Variants in OR6C2 observed in about 807,000 individuals in gnomAD.
OR6C2 encodes the protein olfactory receptor 6C2.
For missense variants in OR6C2, 435 were observed against 365.8 expected, an observed-to-expected ratio of 1.19 and a Z score of -1.54; for synonymous variants, 146 against 134.2, an observed-to-expected ratio of 1.09 and a Z score of -0.61.
At position 55,452,738 on chromosome 12, in the gene OR6C2, T is replaced by C. The variant is rs375910038; in HGVS notation, c.525T>C (p.Phe175=). The part of the protein sequence containing the change: ...EFCDSNAIDH[F]SCDAGPLLKI... ...GTGACTCCAATGCCATTGATCATTT[T>C]AGCTGTGATGCAGGTCCTCTCCTAA... The change falls in exon 2 of 2, where the codon TTT becomes TTC. Residue 175 remains phenylalanine, a synonymous_variant. Coordinates refer to ENST00000641202, the MANE Select transcript of OR6C2 (RefSeq NM_054105.2). The C allele has an allele frequency of 1.2e-6, 2 of 1,613,772 alleles. No homozygotes were observed. Among genetic ancestry groups the C allele is most frequent in the African/African-American group, 2.7e-5 (2 of 74,916 alleles).
At chr12:55,448,636 T>C (rs1335769742) in intron 1 of OR6C2, among the ~76,000 whole-genome samples, 1 of 32,604 alleles carries the variant, frequency 3.1e-5, no homozygotes, top group Non-Finnish European at 6.4e-5. Flanking sequence ...CTGGCTTCCA[T>C]TCACTGCAAA....
chr12:55,447,098 C>A (rs1032352601), intron 1 of OR6C2, among the ~76,000 whole-genome samples: 1 of 152,150 alleles, frequency 6.6e-6, no homozygotes, highest in African/African-American at 2.4e-5. Flanking sequence ...GCAGAATGTG[C>A]TGCAGCCTGT....
intron 1 of OR6C2, 124 bp downstream of exon 1, chr12:55,444,283 C>A (rs1313705377): frequency 1.3e-5 from 2 of 152,116 alleles, no homozygotes; most frequent in Admixed American, 6.6e-5. Flanking sequence ...CTGTAGCGAA[C>A]ATGTTTTTAA....
Position 55,452,275 on chromosome 12 carries a change from T to G in OR6C2, c.62T>G (p.Leu21Arg). 1.9e-6 allele frequency: 3 copies of G among 1,612,838 alleles called. No homozygotes were observed. Among genetic ancestry groups the G allele is most frequent in the Non-Finnish European group, 2.5e-6 (3 of 1,179,332 alleles). Reference sequence around the variant, plus strand: ...CTGGGACTGACAGGTGACCCACACCTGCAAGTTCTGCTTTTTATCTTTCTA... The same window carrying G: ...CTGGGACTGACAGGTGACCCACACCGGCAAGTTCTGCTTTTTATCTTTCTA... ...ILLGLTGDPH[L>R]QVLLFIFLFL... The change falls in exon 2 of 2, where the codon CTG (leucine) becomes CGG (arginine). Residue 21 changes from leucine (L) to arginine (R), a missense_variant. Physicochemically the swap from Leu to Arg is moderately radical, Grantham distance 102 (BLOSUM62 -2). Coordinates refer to ENST00000641202, the MANE Select transcript of OR6C2 (RefSeq NM_054105.2).
chr12:55,447,341 A>G (rs900171113), intron 1 of OR6C2, among the ~76,000 whole-genome samples: 1 of 149,644 alleles, frequency 6.7e-6, no homozygotes, highest in African/African-American at 2.5e-5. Context: ...TTTTTTACAT[A>G]AACACTTAAC....
Position 55,445,749 on chromosome 12 carries a change from A to G in OR6C2, c.-888+1590A>G, listed in dbSNP as rs186952848. Among the ~76,000 whole-genome samples the G allele has an allele frequency of 1.3e-3, 194 of 152,334 alleles. 1 individual carries two copies. The highest frequency in any genetic ancestry group is 4.4e-3 in the African/African-American group (184 of 41,586). Reference sequence around the variant, plus strand: ...TTTGTGCCTGAAATTATAAATATATAAATTAGGTGATTGCTGATGGCATAA... The same window carrying G: ...TTTGTGCCTGAAATTATAAATATATGAATTAGGTGATTGCTGATGGCATAA... On this transcript the variant is annotated intron_variant, in intron 1 of 1. Coordinates refer to ENST00000641202, the MANE Select transcript of OR6C2 (RefSeq NM_054105.2).
rs11171467 is a variant in OR6C2 at position 55,452,839 on chromosome 12, T to C, written c.626T>C (p.Leu209Pro). 0.15 allele frequency: 239,808 copies of C among 1,613,480 alleles called. 19,196 individuals carry two copies. Among genetic ancestry groups the C allele is most frequent in the Non-Finnish European group, 0.17 (196,066 of 1,179,560 alleles). Residue 209 changes from leucine (L) to proline (P), a missense_variant, in exon 2 of 2, where the codon CTA becomes CCA. By Grantham distance (98) the Leu-to-Pro change is moderately conservative. Coordinates refer to ENST00000641202, the MANE Select transcript of OR6C2 (RefSeq NM_054105.2). ...GCTGTATTTGCACTCATTATCACCC[T>C]AGTTTGTGTGATTCTGTCCTACTTG... is the stretch of plus-strand genomic sequence containing the variant. ...LMAVFALIIT[L>P]VCVILSYLYI...
At position 55,452,739 on chromosome 12, in the gene OR6C2, A is replaced by C. The variant is rs1478537168; in HGVS notation, c.526A>C (p.Ser176Arg). 9 of 1,613,720 alleles carry C rather than the reference A, an allele frequency of 5.6e-6. No homozygotes were observed. In the African/African-American group the frequency reaches 1.2e-4, roughly 22 times the overall value. The part of the protein sequence containing the change: ...FCDSNAIDHF[S>R]CDAGPLLKIS... ...TGACTCCAATGCCATTGATCATTTT[A>C]GCTGTGATGCAGGTCCTCTCCTAAA... The change falls in exon 2 of 2, where the codon AGC (serine) becomes CGC (arginine). Residue 176 changes from serine to arginine, a missense_variant. Transcript: ENST00000641202.
chr12:55,451,116 A>T (rs1871460557), intron 1 of OR6C2, among the ~76,000 whole-genome samples: 1 of 152,046 alleles, frequency 6.6e-6, no homozygotes, highest in Non-Finnish European at 1.5e-5. Flanking sequence ...TAAATAAGAC[A>T]TCATGGAGAA....
In OR6C2 at chr12:55,452,857, CCTA is replaced by C; in HGVS notation, c.647_649del (p.Tyr216del). The C allele has an allele frequency of 6.2e-7, 1 of 1,613,800 alleles. No individual in the cohort carries two copies. The highest frequency in any genetic ancestry group is 1.3e-5 in the African/African-American group (1 of 75,012). ...ATCACCCTAGTTTGTGTGATTCTGT[CCTA>C]CTTGTACATAGTCAGAACAATTCTG... On this transcript the variant is annotated inframe_deletion, in exon 2 of 2. Coordinates refer to ENST00000641202, the MANE Select transcript of OR6C2 (RefSeq NM_054105.2).
Position 55,453,173 on chromosome 12 carries a change from A to G in OR6C2, c.*21A>G, listed in dbSNP as rs776776343. 1.1e-5 allele frequency: 17 copies of G among 1,555,424 alleles called. No homozygotes were observed. Among genetic ancestry groups the G allele is most frequent in the African/African-American group, 4.1e-5 (3 of 73,124 alleles). On this transcript the variant is annotated 3_prime_UTR_variant, in exon 2 of 2. Transcript: ENST00000641202. The stretch of plus-strand genomic sequence containing the variant: ...AGTAGAAGCTGTGATGAATTGGCAT[A>G]AAGTGAATGAAGAAGGCTCCCTAAA...
At chr12:55,448,643 CAAAAAAA>C (rs59178718) in intron 1 of OR6C2, among the ~76,000 whole-genome samples, 1 of 71,704 alleles carries the variant, frequency 1.4e-5, no homozygotes, top group African/African-American at 5.2e-5. Context: ...CCATTCACTG[CAAAAAAA>C]AAAAAAAAAG....
chr12:55,445,513 A>G (rs1871347086), intron 1 of OR6C2, among the ~76,000 whole-genome samples: 1 of 152,216 alleles, frequency 6.6e-6, no homozygotes, highest in Non-Finnish European at 1.5e-5. Flanking sequence ...CAAGAACCCT[A>G]GAGACTGTGT....
At chr12:55,450,259 G>A (rs1465851329) in intron 1 of OR6C2, among the ~76,000 whole-genome samples, 1 of 152,086 alleles carries the variant, frequency 6.6e-6, no homozygotes, top group Non-Finnish European at 1.5e-5. Flanking sequence ...CATTCACTGT[G>A]TGGGTAAATG....
chr12:55,446,652 C>T (rs528334553), intron 1 of OR6C2, among the ~76,000 whole-genome samples: 1 of 152,100 alleles, frequency 6.6e-6, no homozygotes, highest in East Asian at 1.9e-4. Context: ...GCCAGTATAC[C>T]TCAGGGAATC....
intron 1 of OR6C2, among the ~76,000 whole-genome samples, chr12:55,449,359 C>T (rs1871425122): frequency 6.6e-6 from 1 of 151,834 alleles, no homozygotes; most frequent in Admixed American, 6.6e-5. Context: ...ATAAAAGGTA[C>T]ATTAACTCAT....
chr12:55,452,162 C>A lies in OR6C2; in HGVS notation c.-52C>A. On this transcript the variant is annotated 5_prime_UTR_variant, in exon 2 of 2. Coordinates refer to ENST00000641202, the MANE Select transcript of OR6C2 (RefSeq NM_054105.2). ...GCTATAGAATTCAAATATCTACCCC[C>A]TCATAAACCGTGATTTTTAAAGGAG... The A allele has an allele frequency of 8.2e-7, 1 of 1,217,092 alleles. No individual in the cohort carries two copies. The highest frequency in any genetic ancestry group is 2.3e-5 in the Admixed American group (1 of 43,896). The allele number at this position is 1,217,092 out of a possible 1,614,324, so 75.4% of individuals were successfully genotyped here.
In OR6C2 at chr12:55,452,879, A is replaced by G. The variant is rs1219807182; in HGVS notation, c.666A>G (p.Thr222=). Reference sequence around the variant, plus strand: ...TGTCCTACTTGTACATAGTCAGAACAATTCTGAAGTTCCCTTCTGTTCAGC... The same window carrying G: ...TGTCCTACTTGTACATAGTCAGAACGATTCTGAAGTTCCCTTCTGTTCAGC... ...VILSYLYIVR[T]ILKFPSVQQR... is the part of the protein sequence containing the mutation. Residue 222 remains threonine, a synonymous_variant, in exon 2 of 2, where the codon ACA becomes ACG. Coordinates refer to ENST00000641202, the MANE Select transcript of OR6C2 (RefSeq NM_054105.2). 1 of 1,613,718 alleles carries G rather than the reference A, an allele frequency of 6.2e-7. No individual in the cohort carries two copies. Among genetic ancestry groups the G allele is most frequent in the African/African-American group, 1.3e-5 (1 of 74,886 alleles).
At position 55,453,264 on chromosome 12, in the gene OR6C2, T is replaced by G; in HGVS notation, c.*112T>G. Reference sequence around the variant, plus strand: ...CTACAGTTTAGTCATGTGAACCTTCTCAATGACATTTAATATTGCATCCTA... The same window carrying G: ...CTACAGTTTAGTCATGTGAACCTTCGCAATGACATTTAATATTGCATCCTA... On this transcript the variant is annotated 3_prime_UTR_variant, in exon 2 of 2. Transcript: ENST00000641202. 1.4e-6 allele frequency: 1 copy of G among 712,054 alleles called. No homozygotes were observed. Among genetic ancestry groups the G allele is most frequent in the East Asian group, 2.7e-5 (1 of 36,920 alleles). The allele number at this position is 712,054 out of a possible 1,614,324, so 44.1% of individuals were successfully genotyped here.
Sources: gnomAD v4.1 joint callset for allele counts (sites outside exome capture counted in the v4.1 genomes callset) on GRCh38, gnomAD v4.1.1 for gene constraint, MANE v1.5 for transcripts, NCBI Gene and HGNC (gene_info 2026-07-23, HGNC 2026-07-21) for gene names.